Variants in TRIM26 observed in about 807,000 individuals in gnomAD.
TRIM26 encodes the protein tripartite motif-containing protein 26.
Under a neutral mutation model 45.5 loss-of-function variants are expected in TRIM26, and 16 were observed. That is an observed-to-expected ratio of 0.35 (90% CI 0.24 to 0.53). The LOEUF (loss-of-function observed/expected upper bound fraction) is 0.53. Among genes scored for constraint, TRIM26 ranks in the 20% least tolerant of loss-of-function variants. TRIM26 has a pLI of 0.92. For missense variants in TRIM26, 442 were observed against 691.1 expected (o/e 0.64, Z 4.04); for synonymous variants, 273 against 290.4 (o/e 0.94, Z 0.61).
Position 30,189,371 on chromosome 6 carries a change from G to A in TRIM26, c.904+47C>T. 3 of 1,596,248 alleles carry A rather than the reference G, an allele frequency of 1.9e-6. No individual in the cohort carries two copies. Among genetic ancestry groups the A allele is most frequent in the Non-Finnish European group, 2.6e-6 (3 of 1,164,842 alleles). On this transcript the variant is annotated intron_variant, in intron 8 of 9. Transcript: ENST00000454678. The surrounding 1 kb of genome is among the most constrained non-coding windows in gnomAD (Gnocchi z 5.0). ...GAGCTGGGTGCGCTCTTTCTACGAG[G>A]TAGCCCTGCTCTGACTCCCACCCTT...
At position 30,198,738 on chromosome 6, in the gene TRIM26, C is replaced by A. The variant is rs770613999; in HGVS notation, c.366G>T (p.Val122=). The change falls in exon 4 of 10, where the codon GTG becomes GTT. Residue 122 remains valine (V), a synonymous_variant. Coordinates refer to ENST00000454678, the MANE Select transcript of TRIM26 (RefSeq NM_003449.5). This position sits in a 1 kb window ranked among gnomAD's most constrained non-coding sequence, Gnocchi z 6.3. The part of the protein sequence containing the change: ...YCEDDGKLLC[V]MCRESREHRP... ...TGTGCTCCCGGGACTCCCGGCACAT[C>A]ACGCACAGCAGCTTCCCGTCGTCCT... 1.2e-6 allele frequency: 2 copies of A among 1,604,492 alleles called. No individual in the cohort carries two copies. The highest frequency in any genetic ancestry group is 1.7e-6 in the Non-Finnish European group (2 of 1,179,958).
intron 1 of TRIM26, among the ~76,000 whole-genome samples, chr6:30,205,013 G>A (rs557999016): frequency 2.3e-4 from 35 of 152,208 alleles, no homozygotes; most frequent in Non-Finnish European, 4.0e-4. Flanking sequence ...AGGCAGAGGC[G>A]GGTGGATCAC....
intron 3 of TRIM26, among the ~76,000 whole-genome samples, chr6:30,199,712 C>T (rs927075598): frequency 6.6e-6 from 1 of 151,104 alleles, no homozygotes; most frequent in Non-Finnish European, 1.5e-5. Context: ...TCTCAGCTCA[C>T]TGCAACCTCC....
At chr6:30,187,538 T>A (rs528628467) in intron 9 of TRIM26, 30 of 498,504 alleles carry the variant, frequency 6.0e-5, no homozygotes, top group African/African-American at 5.7e-4. Context: ...CAGTCCGACA[T>A]CTTTGAAGTA....
At chr6:30,199,567 G>A (rs1181289753) in intron 3 of TRIM26, among the ~76,000 whole-genome samples, 1 of 151,776 alleles carries the variant, frequency 6.6e-6, no homozygotes, top group African/African-American at 2.4e-5. Context: ...TCACTCAACT[G>A]TGCAAAGCAC....
At position 30,209,166 on chromosome 6, in the gene TRIM26, C is replaced by G. The variant is rs552639096; in HGVS notation, c.-376+4139G>C. ...AGTTAGTGAGATGGAGACATCCTAA[C>G]CATTAATCCAGGGAAAGGGAGGAAT... On this transcript the variant is annotated intron_variant, in intron 1 of 9. Coordinates refer to ENST00000454678, the MANE Select transcript of TRIM26 (RefSeq NM_003449.5). The surrounding 1 kb of genome is among the most constrained non-coding windows in gnomAD (Gnocchi z 4.8). Among the ~76,000 whole-genome samples, 1 of 152,068 alleles carries G rather than the reference C, an allele frequency of 6.6e-6. No homozygotes were observed. The highest frequency in any genetic ancestry group is 1.5e-5 in the Non-Finnish European group (1 of 68,018).
intron 3 of TRIM26, among the ~76,000 whole-genome samples, chr6:30,199,703 C>G (rs2127514470): frequency 6.7e-6 from 1 of 148,550 alleles, no homozygotes; most frequent in East Asian, 2.0e-4. Context: ...GTGGCGTGAT[C>G]TCAGCTCACT....
At chr6:30,210,141 G>A (rs894588886) in intron 1 of TRIM26, among the ~76,000 whole-genome samples, 8 of 151,794 alleles carry the variant, frequency 5.3e-5, no homozygotes, top group Admixed American at 3.3e-4. Flanking sequence ...GGAGGCGGAG[G>A]TTGCAGTGAG....
chr6:30,187,030 A>G, intron 9 of TRIM26: 1 of 355,222 alleles, frequency 2.8e-6, no homozygotes, highest in Non-Finnish European at 5.3e-6. Context: ...ATGAAACACA[A>G]TAACTATGTG....
At chr6:30,199,983 AAGAG>A (rs1241630289) in intron 3 of TRIM26, among the ~76,000 whole-genome samples, 1 of 152,090 alleles carries the variant, frequency 6.6e-6, no homozygotes, top group Admixed American at 6.6e-5. Context: ...TTCAAGAACT[AAGAG>A]AGGGCAATGT....
At position 30,204,929 on chromosome 6, in the gene TRIM26, T is replaced by C. The variant is rs141730543; in HGVS notation, c.-375-164A>G. ...CACATCCCTGCTGGGGGTGAGGGGG[T>C]ATTTTTCTGTCTCTTCAATAAACCA... On this transcript the variant is annotated intron_variant, in intron 1 of 9. Transcript: ENST00000454678. Among the ~76,000 whole-genome samples the C allele has an allele frequency of 4.4e-3, 673 of 151,860 alleles. 2 individuals are homozygous for C. The highest frequency in any genetic ancestry group is 0.011 in the African/African-American group (474 of 41,408).
intron 1 of TRIM26, among the ~76,000 whole-genome samples, chr6:30,206,813 C>T (rs9261564): frequency 0.056 from 8,559 of 152,276 alleles, 346 homozygotes; most frequent in East Asian, 0.15. Flanking sequence ...TAAAGTCTAT[C>T]CAGGACTGTG....
At chr6:30,208,904 A>ATGTGTGTATGTG (rs1777994110) in intron 1 of TRIM26, among the ~76,000 whole-genome samples, 1 of 140,730 alleles carries the variant, frequency 7.1e-6, no homozygotes. Flanking sequence ...GATATAGAAT[A>ATGTGTGTATGTG]TGTGTGTGTG....
chr6:30,198,646 C>T lies in TRIM26; in HGVS notation c.438+20G>A, dbSNP rs765752332. ...TCCAGAGAAGGTGGCAAGGCACCCT[C>T]GGGGGTGAAGAGGGCTTACCCTGTG... On this transcript the variant is annotated intron_variant, in intron 4 of 9. Coordinates refer to ENST00000454678, the MANE Select transcript of TRIM26 (RefSeq NM_003449.5). The surrounding 1 kb of genome is among the most constrained non-coding windows in gnomAD (Gnocchi z 6.3). The T allele has an allele frequency of 1.2e-5, 20 of 1,603,306 alleles. No homozygotes were observed. Among genetic ancestry groups the T allele is most frequent in the Non-Finnish European group, 1.6e-5 (19 of 1,176,204 alleles).
chr6:30,209,816 A>G lies in TRIM26; in HGVS notation c.-376+3489T>C, dbSNP rs770231184. ...GGGGTTCAAGACTAGCCTGGCCAAC[A>G]TAGGGAGAGACTGTCTCTAAAATAA... is the stretch of plus-strand genomic sequence containing the variant. On this transcript the variant is annotated intron_variant, in intron 1 of 9. Transcript: ENST00000454678. This position sits in a 1 kb window ranked among gnomAD's most constrained non-coding sequence, Gnocchi z 4.8. Among the ~76,000 whole-genome samples the G allele has an allele frequency of 5.3e-5, 8 of 151,592 alleles. No homozygotes were observed. The highest frequency in any genetic ancestry group is 1.2e-4 in the Non-Finnish European group (8 of 67,938).
chr6:30,209,944 C>A lies in TRIM26; in HGVS notation c.-376+3361G>T, dbSNP rs145605181. Among the ~76,000 whole-genome samples, 4 of 152,108 alleles carry A rather than the reference C, an allele frequency of 2.6e-5. No individual in the cohort carries two copies. The highest frequency in any genetic ancestry group is 7.2e-5 in the African/African-American group (3 of 41,424). ...ACAGGTGGCCGGGCACGGTGCCTCA[C>A]GCCTGTAATCCCAGCACTTTGGGAG... is the stretch of plus-strand genomic sequence containing the variant. On this transcript the variant is annotated intron_variant, in intron 1 of 9. Transcript: ENST00000454678. This position sits in a 1 kb window ranked among gnomAD's most constrained non-coding sequence, Gnocchi z 4.8.
intron 2 of TRIM26, among the ~76,000 whole-genome samples, chr6:30,202,407 T>C (rs960519395): frequency 6.6e-6 from 1 of 152,218 alleles, no homozygotes; most frequent in Non-Finnish European, 1.5e-5. Context: ...GGATCATCAA[T>C]AGATGCTAAA....
chr6:30,186,271 C>A lies in TRIM26; in HGVS notation c.1225G>T (p.Asp409Tyr). 6.2e-7 allele frequency: 1 copy of A among 1,607,714 alleles called. No homozygotes were observed. The highest frequency in any genetic ancestry group is 8.5e-7 in the Non-Finnish European group (1 of 1,176,586). Reference protein sequence around the residue: ...EEAGYGDGYDDWETDEDEESL... With the variant: ...EEAGYGDGYDYWETDEDEESL... Reference sequence around the variant, plus strand: ...TCCTCATCTTCGTCCGTTTCCCAGTCGTCATATCCATCCCCATAGCCGGCC... The same window carrying A: ...TCCTCATCTTCGTCCGTTTCCCAGTAGTCATATCCATCCCCATAGCCGGCC... Residue 409 changes from aspartate to tyrosine, a missense_variant, in exon 10 of 10, where the codon GAC becomes TAC. By Grantham distance (160) the Asp-to-Tyr change is radical. Transcript: ENST00000454678. The surrounding 1 kb of genome is among the most constrained non-coding windows in gnomAD (Gnocchi z 7.4).
Position 30,196,474 on chromosome 6 carries a change from C to T in TRIM26, c.765+42G>A. On this transcript the variant is annotated intron_variant, in intron 6 of 9. Coordinates refer to ENST00000454678, the MANE Select transcript of TRIM26 (RefSeq NM_003449.5). This position sits in a 1 kb window ranked among gnomAD's most constrained non-coding sequence, Gnocchi z 4.9. ...AAGTGAATGGCAGGGCTGGGACCCA[C>T]CGTCCTGGTCCCTGGCGCCCTGCCC... 3 of 1,582,900 alleles carry T rather than the reference C, an allele frequency of 1.9e-6. No individual in the cohort carries two copies. Among genetic ancestry groups the T allele is most frequent in the Non-Finnish European group, 2.6e-6 (3 of 1,165,732 alleles).
Sources: allele counts gnomAD v4.1 joint callset (sites outside exome capture counted in the v4.1 genomes callset), GRCh38; gene constraint gnomAD v4.1.1; non-coding constraint Gnocchi (gnomAD v3.1); transcripts MANE v1.5; gene names NCBI Gene and HGNC (gene_info 2026-07-23, HGNC 2026-07-21).